Variants in SPINK2 observed in about 807,000 individuals in gnomAD.
SPINK2 encodes the protein serine protease inhibitor Kazal-type 2.
Under a neutral mutation model 13.5 loss-of-function variants are expected in SPINK2, and 8 were observed. The ratio of observed to expected loss-of-function variants is 0.59; its 90% CI spans 0.35 to 1.07. The LOEUF is 1.07. Ranked by LOEUF, SPINK2 falls within the 50% of genes least tolerant of loss-of-function variation. The probability of loss-of-function intolerance (pLI) is 0.02; values close to 1 mark genes in which losing one functional copy is unlikely to be tolerated. For synonymous variants in SPINK2, 76 were observed against 74.7 expected, an observed-to-expected ratio of 1.02 and a Z score of -0.09; for missense variants, 148 against 180.3, an observed-to-expected ratio of 0.82 and a Z score of 1.03.
chr4:56,811,613 T>C, intron 3 of SPINK2, 72 bp downstream of exon 3: 1 of 995,136 alleles, frequency 1.0e-6, no homozygotes. Flanking sequence ...TGAGACTCTG[T>C]CAAAAAAAAA....
rs1443957851 is a variant in SPINK2 at position 56,821,568 on chromosome 4, TC to T, written c.94del (p.Glu32ArgfsTer40). ...RSGPGERGPP[E>X]KSGFGSQTGG... ...GGTCTGACTCCCAAACCCGCTTTTC[TC>T]CGGAGGTCCCCGCTCGCCAGGACCG... On this transcript the variant is annotated frameshift_variant, in exon 1 of 4. Transcript: ENST00000506738. LOFTEE classifies it high-confidence loss of function. 2 of 1,547,766 alleles carry T rather than the reference TC, an allele frequency of 1.3e-6. No homozygotes were observed. Among genetic ancestry groups the T allele is most frequent in the Non-Finnish European group, 8.7e-7 (1 of 1,146,730 alleles).
At chr4:56,817,947 T>C (rs1398011508) in intron 2 of SPINK2, among the ~76,000 whole-genome samples, 1 of 151,714 alleles carries the variant, frequency 6.6e-6, no homozygotes, top group Non-Finnish European at 1.5e-5. Context: ...GCTGTGTCGA[T>C]GAGGTTAGAC....
At chr4:56,815,529 G>C (rs974118228) in intron 2 of SPINK2, among the ~76,000 whole-genome samples, 2 of 151,760 alleles carry the variant, frequency 1.3e-5, no homozygotes, top group African/African-American at 4.8e-5. Context: ...GTGAAACCCT[G>C]CCTGTACTAA....
In SPINK2 at chr4:56,816,890, T is replaced by A. The variant is rs1020124564; in HGVS notation, c.249+3646A>T. ...GAGACACTGTCTCAAAAAAAAAAAA[T>A]AAAATAAAATAAAAAAATAAAACAT... On this transcript the variant is annotated intron_variant, in intron 2 of 3. Coordinates refer to ENST00000506738, the MANE Select transcript of SPINK2 (RefSeq NM_001271718.2). Among the ~76,000 whole-genome samples the A allele has an allele frequency of 3.3e-3, 489 of 146,894 alleles. 1 individual carries two copies. Among genetic ancestry groups the A allele is most frequent in the Non-Finnish European group, 6.1e-3 (405 of 66,538 alleles).
chr4:56,814,639 C>T (rs13102386), intron 2 of SPINK2, among the ~76,000 whole-genome samples: 97,459 of 151,398 alleles, frequency 0.64, 31,966 homozygotes, highest in African/African-American at 0.75. Context: ...TTTAAAGGAA[C>T]CTCCAAAACT....
chr4:56,815,432 G>C (rs1414174344), intron 2 of SPINK2, among the ~76,000 whole-genome samples: 2 of 152,132 alleles, frequency 1.3e-5, no homozygotes, highest in African/African-American at 4.8e-5. Context: ...TGACAGAGGG[G>C]CTCATGCCTG....
chr4:56,813,090 G>C (rs1186979626), intron 2 of SPINK2, among the ~76,000 whole-genome samples: 6 of 152,190 alleles, frequency 3.9e-5, no homozygotes, highest in Admixed American at 3.9e-4. Context: ...GGGAGGCTGA[G>C]GCAGGTGGAT....
At chr4:56,816,669 T>C (rs1444866983) in intron 2 of SPINK2, 1 of 146,798 alleles carries the variant, frequency 6.8e-6, no homozygotes, top group Non-Finnish European at 1.5e-5. Context: ...ATAAATAAAA[T>C]ATATATTTTA....
At chr4:56,811,051 G>T (rs917305962) in intron 3 of SPINK2, among the ~76,000 whole-genome samples, 1 of 152,062 alleles carries the variant, frequency 6.6e-6, no homozygotes, top group African/African-American at 2.4e-5. Flanking sequence ...CATGCCCTTT[G>T]AATTAAAAAT....
In SPINK2 at chr4:56,811,898, A is replaced by G. The variant is rs140117622; in HGVS notation, c.250-104T>C. 725 of 394,740 alleles carry G rather than the reference A, an allele frequency of 1.8e-3. 4 individuals are homozygous for G. Among genetic ancestry groups the G allele is most frequent in the African/African-American group, 0.015 (679 of 46,660 alleles). The allele number at this position is 394,740 out of a possible 1,614,324, so 24.5% of individuals were successfully genotyped here. A position where few individuals can be genotyped will look rare whatever the true frequency, so the allele number is the denominator to read the frequency against. ...AGATCTCCCTAGATTTCCTAGAATC[A>G]TTTAATAAAAATATTTTTATTTTCC... On this transcript the variant is annotated intron_variant, in intron 2 of 3. Coordinates refer to ENST00000506738, the MANE Select transcript of SPINK2 (RefSeq NM_001271718.2).
At chr4:56,815,431 G>A (rs1311415730) in intron 2 of SPINK2, among the ~76,000 whole-genome samples, 1 of 152,138 alleles carries the variant, frequency 6.6e-6, no homozygotes, top group African/African-American at 2.4e-5. Context: ...ATGACAGAGG[G>A]GCTCATGCCT....
rs148987735 is a variant in SPINK2 at position 56,819,207 on chromosome 4, T to G, written c.249+1329A>C. ...GATGGTGATGATGATGCAGTATAGG[T>G]AAGCACAGAGAAAGTGTGTGTGTAT... On this transcript the variant is annotated intron_variant, in intron 2 of 3. Transcript: ENST00000506738. 3.8e-3 allele frequency among the ~76,000 whole-genome samples: 585 copies of G among 152,290 alleles called. 3 individuals are homozygous for G. Among genetic ancestry groups the G allele is most frequent in the African/African-American group, 0.014 (563 of 41,564 alleles).
intron 1 of SPINK2, 187 bp downstream of exon 1, chr4:56,821,270 TC>T (rs1717910378): frequency 1.0e-6 from 1 of 981,560 alleles, no homozygotes; most frequent in South Asian, 4.7e-5. Flanking sequence ...TTCCTGCACA[TC>T]TCCTCCCTTG....
chr4:56,810,263 C>T, intron 3 of SPINK2, 79 bp from the exon 4 acceptor site: 1 of 1,166,560 alleles, frequency 8.6e-7, no homozygotes, highest in Non-Finnish European at 1.2e-6. Flanking sequence ...TAAAAAGACC[C>T]ATGTAGATAG....
intron 2 of SPINK2, chr4:56,816,688 T>C (rs1423721878): frequency 1.4e-5 from 2 of 146,814 alleles, no homozygotes; most frequent in African/African-American, 2.5e-5. Context: ...TATATCTATA[T>C]ATCTATATAT....
rs1234286903 is a variant in SPINK2 at position 56,816,358 on chromosome 4, T to TA, written c.249+4177dup. 2.6e-5 allele frequency among the ~76,000 whole-genome samples: 4 copies of TA among 151,604 alleles called. No homozygotes were observed. In the East Asian group the frequency reaches 5.9e-4, roughly 22 times the overall value. On this transcript the variant is annotated intron_variant, in intron 2 of 3. Coordinates refer to ENST00000506738, the MANE Select transcript of SPINK2 (RefSeq NM_001271718.2). ...CAACATGGTGAAACCTTGTCTCTAC[T>TA]AAAAAAATATAGGCCAGGCACAGTG...
rs1481825959 is a variant in SPINK2, at chr4:56,809,991, A to G, written c.*148T>C. 1 of 1,509,050 alleles carries G rather than the reference A, an allele frequency of 6.6e-7. No individual in the cohort carries two copies. Among genetic ancestry groups the G allele is most frequent in the Non-Finnish European group, 8.8e-7 (1 of 1,135,556 alleles). 93.5% of individuals were successfully genotyped at this position (1,509,050 alleles called of 1,614,324 possible). A position where few individuals can be genotyped will look rare whatever the true frequency, so the allele number is the denominator to read the frequency against. ...TTCTTTAAATTATCCATCACTACACATGGCTGTCTTCCATACCTGCTCTCA... is the reference window on the plus strand; with the variant it reads ...TTCTTTAAATTATCCATCACTACACGTGGCTGTCTTCCATACCTGCTCTCA... On this transcript the variant is annotated 3_prime_UTR_variant, in exon 4 of 4. Transcript: ENST00000506738.
chr4:56,821,517 C>T lies in SPINK2; in HGVS notation c.146G>A (p.Gly49Asp), dbSNP rs1310494356. 3.9e-6 allele frequency: 6 copies of T among 1,542,522 alleles called. No individual in the cohort carries two copies. The highest frequency in any genetic ancestry group is 2.4e-5 in the South Asian group (2 of 83,546). ...QTGGGPCPAPGGLGDGTRAPV... is the reference protein window; with the variant it reads ...QTGGGPCPAPDGLGDGTRAPV... ...CGCGCGGGTACCGTCGCCGAGGCCG[C>T]CCGGAGCAGGGCAGGGTCCGCCGCC... Residue 49 changes from glycine (G) to aspartate (D), a missense_variant, in exon 1 of 4, where the codon GGC becomes GAC. Gly to Asp is a moderately conservative substitution (Grantham distance 94). Transcript: ENST00000506738.
chr4:56,809,977 A>G lies in SPINK2; in HGVS notation c.*162T>C. ...CAAGGATTCTTTTTTTCTTTAAATT[A>G]TCCATCACTACACATGGCTGTCTTC... is the stretch of plus-strand genomic sequence containing the variant. On this transcript the variant is annotated 3_prime_UTR_variant, in exon 4 of 4. Transcript: ENST00000506738. 2 of 1,481,958 alleles carry G rather than the reference A, an allele frequency of 1.3e-6. No homozygotes were observed. The highest frequency in any genetic ancestry group is 1.4e-5 in the South Asian group (1 of 73,206). The allele number at this position is 1,481,958 out of a possible 1,614,324, so 91.8% of individuals were successfully genotyped here.
Sources: gnomAD v4.1 joint callset for allele counts (sites outside exome capture counted in the v4.1 genomes callset) on GRCh38, gnomAD v4.1.1 for gene constraint, MANE v1.5 for transcripts, NCBI Gene and HGNC (gene_info 2026-07-23, HGNC 2026-07-21) for gene names.